The following FAF1 variants were observed in gnomAD, a reference collection of about 807,000 sequenced individuals.
FAF1 encodes the protein FAS-associated factor 1.
Under a neutral mutation model 92.5 loss-of-function variants are expected in FAF1, and 25 were observed. The ratio of observed to expected loss-of-function variants is 0.27; its 90% CI spans 0.20 to 0.38. The LOEUF is 0.38. Among genes scored for constraint, FAF1 ranks in the 10% least tolerant of loss-of-function variants. The probability of loss-of-function intolerance (pLI) is 1.00; values close to 1 mark genes in which losing one functional copy is unlikely to be tolerated. For synonymous variants in FAF1, 234 were observed against 273.2 expected (o/e 0.86, Z 1.42); for missense variants, 636 against 793.3 (o/e 0.80, Z 2.38).
At chr1:50,481,720 A>T (rs1646706274) in intron 17 of FAF1, among the ~76,000 whole-genome samples, 1 of 152,030 alleles carries the variant, frequency 6.6e-6, no homozygotes, top group Non-Finnish European at 1.5e-5. Context: ...GGGAGGGGTA[A>T]AATTTTAAAT....
At chr1:50,763,080 C>T (rs1466733749) in intron 4 of FAF1, among the ~76,000 whole-genome samples, 3 of 152,014 alleles carry the variant, frequency 2.0e-5, no homozygotes, top group East Asian at 1.9e-4. Flanking sequence ...CATACTGAAA[C>T]CCTGTCTCTA....
In FAF1 at chr1:50,458,528, C is replaced by T. The variant is rs568565968; in HGVS notation, c.1869+16936G>A. 1.8e-4 allele frequency among the ~76,000 whole-genome samples: 27 copies of T among 152,238 alleles called. No homozygotes were observed. In the South Asian group the frequency reaches 5.0e-3, roughly 28 times the overall value. ...AGTCCTCTGTAAATAAGTTAGAAAG[C>T]GGTAAGGGCAAAATTTTTAAGGCTC... On this transcript the variant is annotated intron_variant, in intron 18 of 18. Transcript: ENST00000396153.
intron 8 of FAF1, among the ~76,000 whole-genome samples, chr1:50,627,904 T>C (rs1653584433): frequency 6.6e-6 from 1 of 152,112 alleles, no homozygotes; most frequent in African/African-American, 2.4e-5. Context: ...TTTAGCAACA[T>C]GGCAGTCATT....
intron 15 of FAF1, among the ~76,000 whole-genome samples, chr1:50,503,598 G>T (rs536732043): frequency 2.4e-4 from 35 of 147,852 alleles, no homozygotes; most frequent in Non-Finnish European, 4.4e-4. Context: ...CTGGGCAACA[G>T]AGTGATTCCC....
intron 1 of FAF1, among the ~76,000 whole-genome samples, chr1:50,940,702 T>C (rs977660999): frequency 1.4e-4 from 21 of 152,236 alleles, no homozygotes; most frequent in African/African-American, 5.1e-4. Context: ...GTACTTTCAG[T>C]ACTTTCAAGA....
At chr1:50,524,026 T>C (rs888734387) in intron 15 of FAF1, among the ~76,000 whole-genome samples, 1 of 152,186 alleles carries the variant, frequency 6.6e-6, no homozygotes, top group Non-Finnish European at 1.5e-5. Flanking sequence ...GTAAGCGCTC[T>C]CTTTTCTCTG....
chr1:50,946,866 T>C (rs1645175746), intron 1 of FAF1, among the ~76,000 whole-genome samples: 1 of 152,020 alleles, frequency 6.6e-6, no homozygotes, highest in Non-Finnish European at 1.5e-5. Flanking sequence ...TCTTTTAGAG[T>C]GGAAAGTATG....
At chr1:50,552,956 T>C (rs935607968) in intron 13 of FAF1, among the ~76,000 whole-genome samples, 1 of 152,166 alleles carries the variant, frequency 6.6e-6, no homozygotes, top group African/African-American at 2.4e-5. Context: ...GACAGTGTGA[T>C]TTTCTCTAGC....
intron 4 of FAF1, among the ~76,000 whole-genome samples, chr1:50,779,920 AAAAAAGAAAAAG>A (rs1007408610): frequency 2.6e-4 from 39 of 151,982 alleles, no homozygotes; most frequent in Non-Finnish European, 1.3e-4. Flanking sequence ...CTGTCTCTTA[AAAAAAGAAAAAG>A]AAAAAGAAAA....
intron 1 of FAF1, among the ~76,000 whole-genome samples, chr1:50,943,829 G>T (rs1645153239): frequency 6.6e-6 from 1 of 152,184 alleles, no homozygotes; most frequent in Non-Finnish European, 1.5e-5. Flanking sequence ...TAATACCTGG[G>T]TTACACAAAA....
intron 8 of FAF1, among the ~76,000 whole-genome samples, chr1:50,627,271 C>A (rs1653548328): frequency 6.6e-6 from 1 of 151,984 alleles, no homozygotes. Flanking sequence ...TTAAAGAACT[C>A]CTATATTTAG....
At chr1:50,634,638 A>G (rs1158177471) in intron 8 of FAF1, among the ~76,000 whole-genome samples, 2 of 152,216 alleles carry the variant, frequency 1.3e-5, no homozygotes. Context: ...TGTTTTAAAG[A>G]GCAGGGGTGT....
chr1:50,738,379 G>A (rs771787548), intron 6 of FAF1, among the ~76,000 whole-genome samples: 5 of 147,660 alleles, frequency 3.4e-5, no homozygotes, highest in Non-Finnish European at 5.9e-5. Flanking sequence ...GGAGGCAGAG[G>A]TTGCGGTGAG....
intron 1 of FAF1, among the ~76,000 whole-genome samples, chr1:50,940,114 G>T (rs904626347): frequency 3.9e-5 from 6 of 152,108 alleles, no homozygotes; most frequent in African/African-American, 1.2e-4. Flanking sequence ...GTTTTACCAT[G>T]TTGCCTAGGC....
At chr1:50,525,970 A>G (rs892377600) in intron 15 of FAF1, among the ~76,000 whole-genome samples, 1 of 152,250 alleles carries the variant, frequency 6.6e-6, no homozygotes, top group African/African-American at 2.4e-5. Context: ...ACTCACCCAG[A>G]TGCAAACCAC....
chr1:50,730,045 A>C (rs1658852911), intron 6 of FAF1, among the ~76,000 whole-genome samples: 2 of 152,016 alleles, frequency 1.3e-5, no homozygotes, highest in African/African-American at 4.8e-5. Context: ...AGATTGTGAT[A>C]ATTTGTTCCA....
intron 18 of FAF1, among the ~76,000 whole-genome samples, chr1:50,453,346 T>G (rs567007236): frequency 6.6e-6 from 1 of 152,324 alleles, no homozygotes; most frequent in African/African-American, 2.4e-5. Flanking sequence ...GTGTGTGCAT[T>G]GCTCTGCACG....
intron 2 of FAF1, among the ~76,000 whole-genome samples, chr1:50,834,453 G>A (rs1358073413): frequency 6.6e-6 from 1 of 152,132 alleles, no homozygotes; most frequent in African/African-American, 2.4e-5. Context: ...AGAGTCATTG[G>A]GAAAGACAGG....
intron 2 of FAF1, among the ~76,000 whole-genome samples, chr1:50,845,109 G>A (rs1644287245): frequency 6.6e-6 from 1 of 151,982 alleles, no homozygotes; most frequent in African/African-American, 2.4e-5. Context: ...CTTCAATTAT[G>A]TTCTGTGATT....
Sources: gnomAD v4.1 joint callset for allele counts (sites outside exome capture counted in the v4.1 genomes callset) on GRCh38, gnomAD v4.1.1 for gene constraint, MANE v1.5 for transcripts, NCBI Gene and HGNC (gene_info 2026-07-23, HGNC 2026-07-21) for gene names.